MTHFD2L: variants seen among roughly 807,000 people sequenced by gnomAD.
MTHFD2L encodes methylenetetrahydrofolate dehydrogenase (NADP+ dependent) 2 like.
Under a neutral mutation model 34.9 loss-of-function variants are expected in MTHFD2L, and 29 were observed. The ratio of observed to expected loss-of-function variants is 0.83; its 90% CI spans 0.62 to 1.13. MTHFD2L has a LOEUF of 1.13. Ranked by LOEUF, MTHFD2L falls within the 50% of genes most tolerant of loss-of-function variation. MTHFD2L has a pLI of 0.00. For missense variants in MTHFD2L, 481 were observed against 446.5 expected, an observed-to-expected ratio of 1.08 and a Z score of -0.70; for synonymous variants, 167 against 155.7, an observed-to-expected ratio of 1.07 and a Z score of -0.54.
chr4:74,223,402 T>A (rs190085248), intron 5 of MTHFD2L, among the ~76,000 whole-genome samples: 11 of 151,768 alleles, frequency 7.2e-5, no homozygotes, highest in Admixed American at 7.2e-4. Context: ...CACTTATAAG[T>A]AGGAGCTAAA....
intron 1 of MTHFD2L, chr4:74,161,122 G>A (rs761760891): frequency 1.3e-5 from 2 of 151,992 alleles, no homozygotes; most frequent in African/African-American, 4.8e-5. Context: ...ACCTTTCTTT[G>A]TGTCGCACTG....
chr4:74,178,377 GTACAT>G (rs1729457636), intron 3 of MTHFD2L, among the ~76,000 whole-genome samples: 1 of 152,028 alleles, frequency 6.6e-6, no homozygotes, highest in African/African-American at 2.4e-5. Flanking sequence ...AGTTTTCAAA[GTACAT>G]TACATTTAGT....
At chr4:74,264,350 C>T (rs963984260) in intron 6 of MTHFD2L, among the ~76,000 whole-genome samples, 31 of 151,896 alleles carry the variant, frequency 2.0e-4, no homozygotes, top group African/African-American at 7.5e-4. Context: ...AGCAAGCTTA[C>T]AGAATATATG....
intron 1 of MTHFD2L, among the ~76,000 whole-genome samples, chr4:74,130,010 C>T (rs1367886810): frequency 6.6e-6 from 1 of 152,128 alleles, no homozygotes; most frequent in Non-Finnish European, 1.5e-5. Flanking sequence ...TTCCTGGACA[C>T]ATACACCCTC....
chr4:74,159,190 GTC>G (rs1724869676), intron 1 of MTHFD2L, among the ~76,000 whole-genome samples: 2 of 152,168 alleles, frequency 1.3e-5, no homozygotes, highest in African/African-American at 2.4e-5. Flanking sequence ...TTAGATCTTA[GTC>G]TCGAGTGTCT....
intron 6 of MTHFD2L, among the ~76,000 whole-genome samples, chr4:74,234,628 G>T (rs1740572899): frequency 6.6e-6 from 1 of 151,952 alleles, no homozygotes; most frequent in Non-Finnish European, 1.5e-5. Context: ...CCATATAGCA[G>T]GCATTAGAAA....
chr4:74,288,140 CTT>C (rs1264209675), intron 7 of MTHFD2L, among the ~76,000 whole-genome samples: 1 of 152,140 alleles, frequency 6.6e-6, no homozygotes. Context: ...TTTTTAAAGA[CTT>C]TGTCTCCTGA....
chr4:74,268,353 C>A, intron 6 of MTHFD2L: 1 of 669,792 alleles, frequency 1.5e-6, no homozygotes, highest in Non-Finnish European at 1.8e-6. Flanking sequence ...CAATTTCCAG[C>A]TGAAGAAGTG....
At chr4:74,213,796 A>G (rs1736735144) in intron 5 of MTHFD2L, among the ~76,000 whole-genome samples, 1 of 152,130 alleles carries the variant, frequency 6.6e-6, no homozygotes, top group Non-Finnish European at 1.5e-5. Context: ...TATCCTGAAG[A>G]GTGTTTTCCA....
At chr4:74,131,967 CA>C (rs1231102127) in intron 1 of MTHFD2L, among the ~76,000 whole-genome samples, 2 of 151,604 alleles carry the variant, frequency 1.3e-5, no homozygotes, top group Admixed American at 6.6e-5. Flanking sequence ...TTTATGCGGC[CA>C]AAAAAACATA....
intron 1 of MTHFD2L, among the ~76,000 whole-genome samples, chr4:74,145,479 A>G (rs1412576638): frequency 6.6e-6 from 1 of 152,182 alleles, no homozygotes; most frequent in East Asian, 1.9e-4. Flanking sequence ...CCAGAATACC[A>G]AGGGATGGCT....
chr4:74,202,295 A>G (rs1008189062), intron 5 of MTHFD2L, among the ~76,000 whole-genome samples: 4 of 152,216 alleles, frequency 2.6e-5, no homozygotes, highest in African/African-American at 7.2e-5. Context: ...ACACGAGTAA[A>G]CAAGCTAGTT....
intron 3 of MTHFD2L, among the ~76,000 whole-genome samples, chr4:74,182,552 A>T (rs1042755296): frequency 6.6e-6 from 1 of 152,194 alleles, no homozygotes; most frequent in African/African-American, 2.4e-5. Flanking sequence ...TTCTCCCTTT[A>T]GATCTTAGCG....
chr4:74,118,201 C>T (rs935224110), intron 2 of MTHFD2L, among the ~76,000 whole-genome samples: 1 of 152,166 alleles, frequency 6.6e-6, no homozygotes, highest in East Asian at 1.9e-4. Flanking sequence ...ATATCAAAAA[C>T]TAAACACTTA....
chr4:74,143,567 A>G (rs1351140923), intron 1 of MTHFD2L: 4 of 343,788 alleles, frequency 1.2e-5, no homozygotes, highest in South Asian at 1.2e-4. Flanking sequence ...TCCATTTTCT[A>G]TTTTCCTACT....
chr4:74,134,855 T>C (rs1284714967), intron 1 of MTHFD2L, among the ~76,000 whole-genome samples: 1 of 151,674 alleles, frequency 6.6e-6, no homozygotes, highest in Non-Finnish European at 1.5e-5. Flanking sequence ...AACCACAGAA[T>C]AGGTCAAGCA....
At chr4:74,295,904 T>C (rs1179610432) in intron 7 of MTHFD2L, among the ~76,000 whole-genome samples, 3 of 152,170 alleles carry the variant, frequency 2.0e-5, no homozygotes, top group African/African-American at 7.2e-5. Flanking sequence ...TATGCCACAT[T>C]AATACACAGT....
chr4:74,200,129 A>G (rs1367758210), intron 4 of MTHFD2L, among the ~76,000 whole-genome samples, 183 bp downstream of exon 4: 1 of 152,048 alleles, frequency 6.6e-6, no homozygotes, highest in Non-Finnish European at 1.5e-5. Context: ...TGGCTAACAC[A>G]GTAAAACCCT....
intron 3 of MTHFD2L, chr4:74,195,340 T>G (rs1023857161): frequency 1.3e-5 from 2 of 152,222 alleles, no homozygotes; most frequent in African/African-American, 4.8e-5. Flanking sequence ...CTATTGCTGT[T>G]TTGTGAATAA....
Sources: gnomAD v4.1 joint callset for allele counts (sites outside exome capture counted in the v4.1 genomes callset) on GRCh38, gnomAD v4.1.1 for gene constraint, MANE v1.5 for transcripts, NCBI Gene and HGNC (gene_info 2026-07-23, HGNC 2026-07-21) for gene names.